Variants in PIEZO2 observed in about 807,000 individuals in gnomAD.
PIEZO2 encodes the protein piezo-type mechanosensitive ion channel component 2.
Under a neutral mutation model 337.3 loss-of-function variants are expected in PIEZO2, and 172 were observed. That is an observed-to-expected ratio of 0.51 (90% CI 0.45 to 0.58). PIEZO2 has a LOEUF of 0.58. Among genes scored for constraint, PIEZO2 ranks in the 20% least tolerant of loss-of-function variants. PIEZO2 has a pLI of 0.00. For missense variants in PIEZO2, 3,028 were observed against 3,391.3 expected (o/e 0.89, Z 2.66); for synonymous variants, 1,251 against 1,228.5 (o/e 1.02, Z -0.38).
chr18:11,136,876 C>T (rs969845743), intron 1 of PIEZO2, among the ~76,000 whole-genome samples: 3 of 152,280 alleles, frequency 2.0e-5, no homozygotes, highest in African/African-American at 4.8e-5. Flanking sequence ...CAGTATTTTA[C>T]TCAGTATCTT....
rs1051161615 is a variant in PIEZO2, at chr18:10,781,182, T to G, written c.2493-816A>C. Among the ~76,000 whole-genome samples, 1 of 152,012 alleles carries G rather than the reference T, an allele frequency of 6.6e-6. No individual in the cohort carries two copies. Among genetic ancestry groups the G allele is most frequent in the African/African-American group, 2.4e-5 (1 of 41,388 alleles). ...ATAAATTAAAGAGCTATAAAAGTAATGAATATGGCCGGGTGTGGTGGCTCA... is the reference window on the plus strand; with the variant it reads ...ATAAATTAAAGAGCTATAAAAGTAAGGAATATGGCCGGGTGTGGTGGCTCA... On this transcript the variant is annotated intron_variant, in intron 17 of 55. Coordinates refer to ENST00000674853, the MANE Select transcript of PIEZO2 (RefSeq NM_001378183.1). The surrounding 1 kb of genome is among the most constrained non-coding windows in gnomAD (Gnocchi z 4.1).
chr18:10,787,200 TGA>T lies in PIEZO2; in HGVS notation c.2170-18_2170-17del, dbSNP rs2039253952. 6.9e-7 allele frequency: 1 copy of T among 1,456,420 alleles called. No homozygotes were observed. The highest frequency in any genetic ancestry group is 9.0e-7 in the Non-Finnish European group (1 of 1,111,882). The allele number at this position is 1,456,420 out of a possible 1,614,324, so 90.2% of individuals were successfully genotyped here. The stretch of plus-strand genomic sequence containing the variant: ...CATAGTGCACCTGCAAATCAGACAT[TGA>T]AAAAAAAAAATGAGAAAAAATCACT... On this transcript the variant is annotated splice_polypyrimidine_tract_variant and intron_variant, in intron 15 of 55. Transcript: ENST00000674853.
intron 2 of PIEZO2, among the ~76,000 whole-genome samples, chr18:11,046,587 T>C (rs1345341489): frequency 6.6e-6 from 1 of 152,238 alleles, no homozygotes; most frequent in Non-Finnish European, 1.5e-5. Flanking sequence ...AGGTGCTCCT[T>C]TGCGCCGTGG....
chr18:10,896,776 T>C (rs889172970), intron 4 of PIEZO2, among the ~76,000 whole-genome samples: 1 of 152,234 alleles, frequency 6.6e-6, no homozygotes, highest in Admixed American at 6.5e-5. Flanking sequence ...TGATCCTTGC[T>C]GTGTGAGGTC....
chr18:10,720,186 TATAG>T (rs2036197695), intron 36 of PIEZO2, among the ~76,000 whole-genome samples: 1 of 143,288 alleles, frequency 7.0e-6, no homozygotes, highest in Non-Finnish European at 1.5e-5. Context: ...GGGCTTCATA[TATAG>T]AGAGAGGATA....
At chr18:10,975,638 C>T (rs2034413843) in intron 3 of PIEZO2, among the ~76,000 whole-genome samples, 1 of 152,180 alleles carries the variant, frequency 6.6e-6, no homozygotes, top group Non-Finnish European at 1.5e-5. Context: ...CGAGAACTTT[C>T]AATGACTCAA....
At position 10,828,140 on chromosome 18, in the gene PIEZO2, G is replaced by GTT. The variant is rs10718341; in HGVS notation, c.918-20868_918-20867dup. On this transcript the variant is annotated intron_variant, in intron 7 of 55. Transcript: ENST00000674853. This position sits in a 1 kb window ranked among gnomAD's most constrained non-coding sequence, Gnocchi z 4.1. ...GGTTTTTTTTTGTTTGTTTGTTTTT[G>GTT]TTTTTTTTTTTTTTTACAGTAAAAC... Among the ~76,000 whole-genome samples, 2 of 141,012 alleles carry GTT rather than the reference G, an allele frequency of 1.4e-5. No homozygotes were observed. The highest frequency in any genetic ancestry group is 5.3e-5 in the African/African-American group (2 of 37,964). 92.5% of individuals were successfully genotyped at this position (141,012 alleles called of 152,430 possible).
chr18:10,786,966 TA>T, intron 16 of PIEZO2, 69 bp downstream of exon 16: 1 of 1,386,956 alleles, frequency 7.2e-7, no homozygotes, highest in Non-Finnish European at 9.7e-7. Flanking sequence ...AAATCTTCCT[TA>T]AAGATGCTTT....
intron 7 of PIEZO2, among the ~76,000 whole-genome samples, chr18:10,811,483 G>A (rs1475288159): frequency 1.3e-5 from 2 of 152,080 alleles, no homozygotes; most frequent in Non-Finnish European, 2.9e-5. Flanking sequence ...GGTTATGGTA[G>A]GAGCAGAGAT....
Position 10,862,987 on chromosome 18 carries a change from T to C in PIEZO2, c.493-5776A>G, listed in dbSNP as rs573586237. Among the ~76,000 whole-genome samples, 1 of 152,376 alleles carries C rather than the reference T, an allele frequency of 6.6e-6. No individual in the cohort carries two copies. Among genetic ancestry groups the C allele is most frequent in the South Asian group, 2.1e-4 (1 of 4,832 alleles). On this transcript the variant is annotated intron_variant, in intron 5 of 55. Transcript: ENST00000674853. The surrounding 1 kb of genome is among the most constrained non-coding windows in gnomAD (Gnocchi z 4.4). The stretch of plus-strand genomic sequence containing the variant: ...CTCAGAGCAGAGCTTTTCATGCAGC[T>C]GAATCCATTTTTTTCTCTTCTTCAT...
Position 10,954,416 on chromosome 18 carries a change from T to C in PIEZO2, c.286+25119A>G, listed in dbSNP as rs1280993786. Among the ~76,000 whole-genome samples, 1 of 152,258 alleles carries C rather than the reference T, an allele frequency of 6.6e-6. No homozygotes were observed. Among genetic ancestry groups the C allele is most frequent in the African/African-American group, 2.4e-5 (1 of 41,482 alleles). On this transcript the variant is annotated intron_variant, in intron 3 of 55. Coordinates refer to ENST00000674853, the MANE Select transcript of PIEZO2 (RefSeq NM_001378183.1). This position sits in a 1 kb window ranked among gnomAD's most constrained non-coding sequence, Gnocchi z 4.2. ...TATCAAAGTATTTTTTGTATTATTG[T>C]ACATAACATTTTGTTAAAAAAGCTA...
chr18:10,800,457 TCA>T lies in PIEZO2; in HGVS notation c.1256_1257del (p.Val419GlufsTer37). The T allele has an allele frequency of 6.5e-7, 1 of 1,533,724 alleles. No homozygotes were observed. Among genetic ancestry groups the T allele is most frequent in the Non-Finnish European group, 8.7e-7 (1 of 1,145,464 alleles). Reference sequence around the variant, plus strand: ...GTGTGGTAATCCACGGGGTTGCCGTTCACAGTCACCAGCAGGCCCTGCCGGGA... The same window carrying T: ...GTGTGGTAATCCACGGGGTTGCCGTTCAGTCACCAGCAGGCCCTGCCGGGA... ...YKPSDGLLVT[V>X]NGNPVDYHTI... On this transcript the variant is annotated frameshift_variant, in exon 11 of 56. Transcript: ENST00000674853. LOFTEE classifies it high-confidence loss of function.
chr18:10,916,908 G>A (rs1485703968), intron 3 of PIEZO2, among the ~76,000 whole-genome samples: 3 of 152,102 alleles, frequency 2.0e-5, no homozygotes, highest in Non-Finnish European at 4.4e-5. Flanking sequence ...CCTGCCTCCT[G>A]CCATCTGATT....
chr18:10,704,742 T>C, intron 41 of PIEZO2, 90 bp from the exon 42 acceptor site: 3 of 1,424,112 alleles, frequency 2.1e-6, no homozygotes, highest in East Asian at 2.5e-5. Context: ...TGGAGTGCAA[T>C]GGCGTGATCT....
Position 10,707,994 on chromosome 18 carries a change from G to GTTT in PIEZO2, c.5588+278_5588+280dup, listed in dbSNP as rs1188152534. On this transcript the variant is annotated intron_variant, in intron 40 of 55. Transcript: ENST00000674853. This position sits in a 1 kb window ranked among gnomAD's most constrained non-coding sequence, Gnocchi z 4.2. ...ATGCTTATGTCTCTGAAAATGGAAA[G>GTTT]TTTGAAATACTGAAAACATGGAGGA... Among the ~76,000 whole-genome samples, 1 of 152,118 alleles carries GTTT rather than the reference G, an allele frequency of 6.6e-6. No homozygotes were observed. The highest frequency in any genetic ancestry group is 1.5e-5 in the Non-Finnish European group (1 of 68,014).
intron 49 of PIEZO2, among the ~76,000 whole-genome samples, chr18:10,686,733 T>A (rs531995395): frequency 6.6e-6 from 1 of 152,206 alleles, no homozygotes; most frequent in South Asian, 2.1e-4. Context: ...TTAGGGCAGG[T>A]CCATGGAAAC....
rs1474874374 is a variant in PIEZO2, at chr18:10,856,913, C to G, written c.703+88G>C. The G allele has an allele frequency of 5.0e-6, 6 of 1,211,204 alleles. No homozygotes were observed. Among genetic ancestry groups the G allele is most frequent in the Admixed American group, 4.1e-5 (2 of 49,238 alleles). The allele number at this position is 1,211,204 out of a possible 1,614,324, so 75.0% of individuals were successfully genotyped here. A position where few individuals can be genotyped will look rare whatever the true frequency, so the allele number is the denominator to read the frequency against. On this transcript the variant is annotated intron_variant, in intron 6 of 55. Transcript: ENST00000674853. The surrounding 1 kb of genome is among the most constrained non-coding windows in gnomAD (Gnocchi z 4.7). Reference sequence around the variant, plus strand: ...ATTCATGTGGTGGAACAGACTGTTTCCTTCATTTCTTCTTCAACCATTTCT... The same window carrying G: ...ATTCATGTGGTGGAACAGACTGTTTGCTTCATTTCTTCTTCAACCATTTCT...
At chr18:11,100,666 G>A (rs1040107967) in intron 1 of PIEZO2, among the ~76,000 whole-genome samples, 1 of 152,124 alleles carries the variant, frequency 6.6e-6, no homozygotes, top group African/African-American at 2.4e-5. Context: ...CACAGTTTTG[G>A]CTCACTGCAA....
Position 10,736,610 on chromosome 18 carries a change from T to A in PIEZO2, c.4809A>T (p.Ala1603=). Residue 1603 remains alanine (A), a synonymous_variant, in exon 34 of 56, where the codon GCA becomes GCT. Coordinates refer to ENST00000674853, the MANE Select transcript of PIEZO2 (RefSeq NM_001378183.1). ...TGATTTTCCCCATAATTACCTGGAA[T>A]GCTGACCTTCGTGGAGGTTCTTCAT... ...KEDEEPPRRS[A]FQRAIGKFAS... The A allele has an allele frequency of 6.5e-7, 1 of 1,537,220 alleles. No homozygotes were observed. Among genetic ancestry groups the A allele is most frequent in the Non-Finnish European group, 8.7e-7 (1 of 1,146,878 alleles).
Sources: gnomAD v4.1 joint callset for allele counts (sites outside exome capture counted in the v4.1 genomes callset) on GRCh38, gnomAD v4.1.1 for gene constraint, Gnocchi (gnomAD v3.1) non-coding constraint, MANE v1.5 for transcripts, NCBI Gene and HGNC (gene_info 2026-07-23, HGNC 2026-07-21) for gene names.